Variants in ANK2 observed in about 807,000 individuals in gnomAD.
ANK2 encodes ankyrin-2.
In ANK2, 83 loss-of-function variants were observed where a neutral mutation model predicts 360.5. That is an observed-to-expected ratio of 0.23 (90% CI 0.19 to 0.28). ANK2 has a LOEUF of 0.28. Ranked by LOEUF, ANK2 falls within the 10% of genes least tolerant of loss-of-function variation. ANK2 has a pLI of 1.00. For missense variants in ANK2, 4,201 were observed against 4,795.7 expected (o/e 0.88, Z 3.66); for synonymous variants, 1,740 against 1,759.5 (o/e 0.99, Z 0.28).
intron 26 of ANK2, among the ~76,000 whole-genome samples, chr4:113,319,874 C>T (rs900851150): frequency 2.0e-5 from 3 of 152,000 alleles, no homozygotes; most frequent in African/African-American, 7.2e-5. Flanking sequence ...GGAAAAAGAC[C>T]TGGATGTAGA....
At chr4:112,832,397 C>G (rs1228851613) in intron 1 of ANK2, among the ~76,000 whole-genome samples, 2 of 152,274 alleles carry the variant, frequency 1.3e-5, no homozygotes, top group Middle Eastern at 3.4e-3. Context: ...ATATGTACCC[C>G]TGAACCTAAA....
intron 1 of ANK2, among the ~76,000 whole-genome samples, chr4:113,148,239 G>T (rs950629573): frequency 1.3e-5 from 2 of 152,102 alleles, no homozygotes; most frequent in Non-Finnish European, 2.9e-5. Flanking sequence ...TTATAAATTT[G>T]CATATTGGTC....
intron 2 of ANK2, among the ~76,000 whole-genome samples, chr4:112,928,486 G>T (rs2092824007): frequency 6.6e-6 from 1 of 152,038 alleles, no homozygotes; most frequent in Non-Finnish European, 1.5e-5. Context: ...TGGCTGAACT[G>T]TGTCTTCTCT....
intron 4 of ANK2, among the ~76,000 whole-genome samples, chr4:113,226,454 C>A (rs2099223070): frequency 6.6e-6 from 1 of 152,124 alleles, no homozygotes; most frequent in Non-Finnish European, 1.5e-5. Flanking sequence ...CAGTGTCTTC[C>A]AGCTGTTACT....
intron 1 of ANK2, among the ~76,000 whole-genome samples, chr4:113,055,679 C>T (rs2069344953): frequency 6.6e-6 from 1 of 152,152 alleles, no homozygotes; most frequent in African/African-American, 2.4e-5. Flanking sequence ...TTCAGAATAA[C>T]TCTCATTGCA....
At chr4:113,375,552 T>C (rs11943229) in intron 45 of ANK2, among the ~76,000 whole-genome samples, 1,614 of 151,404 alleles carry the variant, frequency 0.011, 25 homozygotes, top group African/African-American at 0.037. Context: ...GGTGAAACCC[T>C]GTCTCTACTA....
At chr4:112,954,748 G>C (rs371066633) in intron 2 of ANK2, among the ~76,000 whole-genome samples, 3 of 152,128 alleles carry the variant, frequency 2.0e-5, no homozygotes, top group Admixed American at 2.0e-4. Flanking sequence ...AAAGTTCAGA[G>C]AATTATCTGG....
rs2060827917 is a variant in ANK2, at chr4:113,277,949, A to C, written c.1782+14A>C. 1.2e-6 allele frequency: 2 copies of C among 1,601,602 alleles called. No homozygotes were observed. Among genetic ancestry groups the C allele is most frequent in the East Asian group, 2.2e-5 (1 of 44,792 alleles). On this transcript the variant is annotated intron_variant, in intron 16 of 45. Transcript: ENST00000357077. ...TCTGCAGGGAAGGTAAAGATTTTCT[A>C]TACGTTATAATTATGTAACAGTGAA...
chr4:112,977,103 C>T (rs2041687436), intron 2 of ANK2, among the ~76,000 whole-genome samples: 1 of 152,034 alleles, frequency 6.6e-6, no homozygotes. Context: ...TTATACTGGG[C>T]CACATGTTTA....
At chr4:112,803,152 C>T in the ANK2 span, among the ~76,000 whole-genome samples, 1 of 152,128 alleles carries the variant, frequency 6.6e-6, no homozygotes, top group Non-Finnish European at 1.5e-5. Context: ...GAATATCTAT[C>T]ATAGTAGTAG....
At chr4:113,319,728 G>A (rs928897398) in intron 26 of ANK2, among the ~76,000 whole-genome samples, 1 of 151,920 alleles carries the variant, frequency 6.6e-6, no homozygotes, top group African/African-American at 2.4e-5. Context: ...TTCCTAATGC[G>A]ACAGTTATTC....
chr4:112,830,901 A>G (rs6822647), intron 1 of ANK2, among the ~76,000 whole-genome samples: 88,811 of 152,042 alleles, frequency 0.58, 26,888 homozygotes, highest in East Asian at 0.93. Context: ...TGCACTCAGA[A>G]CGGCTGGCTG....
intron 1 of ANK2, among the ~76,000 whole-genome samples, chr4:113,098,792 A>G (rs1248324636): frequency 6.6e-6 from 1 of 151,988 alleles, no homozygotes; most frequent in Non-Finnish European, 1.5e-5. Flanking sequence ...GAACAGAAAG[A>G]TTTATATACC....
Position 113,267,225 on chromosome 4 carries a change from CT to C in ANK2, c.1485+2234del, listed in dbSNP as rs533061699. 4.3e-3 allele frequency among the ~76,000 whole-genome samples: 655 copies of C among 152,258 alleles called. 3 individuals are homozygous for C. Among genetic ancestry groups the C allele is most frequent in the South Asian group, 9.1e-3 (44 of 4,828 alleles). ...TGCTTGTTCACTCTGATGATAGTTTCTTTTGCTGTACAGAAGCTCTTTAGTT... is the reference window on the plus strand; with the variant it reads ...TGCTTGTTCACTCTGATGATAGTTTCTTTGCTGTACAGAAGCTCTTTAGTT... On this transcript the variant is annotated intron_variant, in intron 14 of 45. Transcript: ENST00000357077.
At chr4:112,866,096 A>C (rs187514380) in intron 1 of ANK2, among the ~76,000 whole-genome samples, 3 of 152,346 alleles carry the variant, frequency 2.0e-5, no homozygotes, top group Admixed American at 2.0e-4. Flanking sequence ...AGCTATAGCT[A>C]TCTTTTCGGC....
the ANK2 span, among the ~76,000 whole-genome samples, chr4:112,785,948 C>G: frequency 6.6e-6 from 1 of 151,978 alleles, no homozygotes; most frequent in Non-Finnish European, 1.5e-5. Context: ...TCCAGTGATT[C>G]TCATGCCTCA....
At chr4:113,140,489 A>G (rs1446854908) in intron 1 of ANK2, among the ~76,000 whole-genome samples, 2 of 152,192 alleles carry the variant, frequency 1.3e-5, no homozygotes, top group Non-Finnish European at 2.9e-5. Flanking sequence ...TTTTTTGCAC[A>G]TGATAGTTTA....
the ANK2 span, among the ~76,000 whole-genome samples, chr4:112,732,588 T>C: frequency 6.6e-6 from 1 of 152,164 alleles, no homozygotes; most frequent in Non-Finnish European, 1.5e-5. Context: ...TTCATGGTCA[T>C]AAACTCTTTG....
intron 30 of ANK2, 38 bp downstream of exon 30, chr4:113,336,095 T>C (rs1395445554): frequency 2.5e-6 from 4 of 1,593,850 alleles, no homozygotes; most frequent in African/African-American, 2.7e-5. Flanking sequence ...CTAACAGGAT[T>C]GTATTCTAAT....
Sources: allele counts gnomAD v4.1 joint callset (sites outside exome capture counted in the v4.1 genomes callset), GRCh38; gene constraint gnomAD v4.1.1; transcripts MANE v1.5; gene names NCBI Gene and HGNC (gene_info 2026-07-23, HGNC 2026-07-21).